Variants in DYDC1 observed in about 807,000 individuals in gnomAD.
DYDC1 encodes the protein DPY30 domain-containing protein 1.
DYDC1 carries 21 observed loss-of-function variants against 27.9 expected under a neutral mutation model. That is an observed-to-expected ratio of 0.75 (90% CI 0.53 to 1.08). DYDC1 has a LOEUF of 1.08. DYDC1 is among the 50% of genes least tolerant of loss of function. The pLI, the probability that DYDC1 is intolerant of heterozygous loss-of-function variation, is 0.00. For synonymous variants in DYDC1, 67 were observed against 65.8 expected (o/e 1.02, Z -0.09); for missense variants, 202 against 205.9 (o/e 0.98, Z 0.12).
At chr10:80,341,984 A>G (rs960119899) in intron 4 of DYDC1, among the ~76,000 whole-genome samples, 2 of 147,474 alleles carry the variant, frequency 1.4e-5, no homozygotes, top group Non-Finnish European at 3.0e-5. Context: ...AGATTGTGCC[A>G]TTGCACTTCA....
Position 80,336,297 on chromosome 10 carries a change from T to C in DYDC1, c.505-112A>G, listed in dbSNP as rs184502079. On this transcript the variant is annotated intron_variant, in intron 6 of 6. Transcript: ENST00000372202. ...TCTATGTGACTACATGAATGAAACTTTTTGGGAGTTTCAGATGATTTCAAA... is the reference window on the plus strand; with the variant it reads ...TCTATGTGACTACATGAATGAAACTCTTTGGGAGTTTCAGATGATTTCAAA... The C allele has an allele frequency of 1.5e-3, 2,094 of 1,391,002 alleles. 1 individual carries two copies. The highest frequency in any genetic ancestry group is 2.6e-3 in the Middle Eastern group (10 of 3,822). 86.2% of individuals were successfully genotyped at this position (1,391,002 alleles called of 1,614,324 possible). A position where few individuals can be genotyped will look rare whatever the true frequency, so the allele number is the denominator to read the frequency against.
chr10:80,342,160 T>C (rs1221333658), intron 4 of DYDC1, 109 bp downstream of exon 4: 4 of 1,017,870 alleles, frequency 3.9e-6, no homozygotes, highest in Middle Eastern at 3.0e-4. Flanking sequence ...GTATGTGGCA[T>C]GTCTTCAGAC....
At chr10:80,336,296 T>C (rs1842133816) in intron 6 of DYDC1, 111 bp from the exon 7 acceptor site, 2 of 1,390,886 alleles carry the variant, frequency 1.4e-6, no homozygotes, top group Non-Finnish European at 1.9e-6. Context: ...TGAATGAAAC[T>C]TTTTGGGAGT....
intron 6 of DYDC1, chr10:80,337,501 T>A: frequency 1.1e-6 from 1 of 932,954 alleles, no homozygotes; most frequent in African/African-American, 1.8e-5. Flanking sequence ...TTCCCCACAC[T>A]GTTACCAGAT....
Position 80,342,397 on chromosome 10 carries a change from T to C in DYDC1, c.250-36A>G, listed in dbSNP as rs1160476362. On this transcript the variant is annotated intron_variant, in intron 3 of 6. Coordinates refer to ENST00000372202, the MANE Select transcript of DYDC1 (RefSeq NM_001269053.2). The stretch of plus-strand genomic sequence containing the variant: ...AGAAATATGTCATATTACAGTTAGA[T>C]TAATTGCAAGATAATTAAGTTTATA... The C allele has an allele frequency of 3.7e-6, 6 of 1,600,318 alleles. No individual in the cohort carries two copies. In the Admixed American group the frequency reaches 6.7e-5, roughly 18 times the overall value.
chr10:80,351,809 G>T, intron 3 of DYDC1, 92 bp downstream of exon 3: 1 of 1,108,978 alleles, frequency 9.0e-7, no homozygotes. Flanking sequence ...CTAAATAACT[G>T]GAGCTGGGAA....
At chr10:80,344,038 T>A (rs1161667893) in intron 3 of DYDC1, among the ~76,000 whole-genome samples, 1 of 151,920 alleles carries the variant, frequency 6.6e-6, no homozygotes, top group Non-Finnish European at 1.5e-5. Flanking sequence ...ATTGCTTGAA[T>A]CTGGGAGGTA....
intron 3 of DYDC1, among the ~76,000 whole-genome samples, chr10:80,351,539 GA>G (rs1306397758): frequency 6.6e-6 from 1 of 150,870 alleles, no homozygotes; most frequent in East Asian, 2.0e-4. Context: ...GGCCTCTCAT[GA>G]ACACTTTTCC....
intron 3 of DYDC1, among the ~76,000 whole-genome samples, chr10:80,345,808 T>C (rs1174529239): frequency 6.6e-6 from 1 of 152,200 alleles, no homozygotes; most frequent in African/African-American, 2.4e-5. Context: ...TATATACATA[T>C]ATGTGATACA....
chr10:80,342,024 CAAAAAAAAAA>C (rs60594545), intron 4 of DYDC1, among the ~76,000 whole-genome samples: 4 of 108,982 alleles, frequency 3.7e-5, no homozygotes, highest in Non-Finnish European at 7.6e-5. Context: ...GACTCCGTCT[CAAAAAAAAAA>C]AAAAAAAAAG....
Position 80,352,575 on chromosome 10 carries a change from G to A in DYDC1, c.27C>T (p.His9=). The A allele has an allele frequency of 6.2e-7, 1 of 1,610,856 alleles. No homozygotes were observed. Among genetic ancestry groups the A allele is most frequent in the South Asian group, 1.1e-5 (1 of 90,064 alleles). Residue 9 remains histidine (H), a synonymous_variant, in exon 2 of 7, where the codon CAC becomes CAT. Transcript: ENST00000372202. MESIYLQK[H]LGACLTQGLA... The stretch of plus-strand genomic sequence containing the variant: ...GACCTTGAGTTAAACAGGCCCCAAG[G>A]TGCTTTTGAAGATATATTGACTCCA...
intron 1 of DYDC1, among the ~76,000 whole-genome samples, chr10:80,354,835 A>C (rs1843257404): frequency 2.6e-5 from 4 of 152,184 alleles, no homozygotes; most frequent in Admixed American, 6.5e-5. Context: ...CAGCCTCCAG[A>C]ATGGTGAGAA....
At chr10:80,348,536 C>T (rs1315463137) in intron 3 of DYDC1, among the ~76,000 whole-genome samples, 3 of 152,208 alleles carry the variant, frequency 2.0e-5, no homozygotes, top group African/African-American at 7.2e-5. Context: ...ATTAGATCTC[C>T]GTTCCCAAAC....
At chr10:80,348,800 CAT>C (rs935027263) in intron 3 of DYDC1, among the ~76,000 whole-genome samples, 1 of 152,200 alleles carries the variant, frequency 6.6e-6, no homozygotes, top group African/African-American at 2.4e-5. Context: ...ATTATACACA[CAT>C]AGACTGATAG....
intron 5 of DYDC1, 47 bp downstream of exon 5, chr10:80,339,050 G>A (rs376216957): frequency 2.4e-5 from 26 of 1,071,092 alleles, no homozygotes; most frequent in Non-Finnish European, 3.3e-5. Flanking sequence ...TACATTCTAG[G>A]ATACTCAATT....
At chr10:80,353,963 C>G (rs990714850) in intron 1 of DYDC1, among the ~76,000 whole-genome samples, 1 of 151,754 alleles carries the variant, frequency 6.6e-6, no homozygotes, top group African/African-American at 2.4e-5. Context: ...AAAATACAAA[C>G]AAATTAGCTG....
At chr10:80,337,576 T>A (rs140009089) in intron 6 of DYDC1, 1 of 392,636 alleles carries the variant, frequency 2.5e-6, no homozygotes, top group East Asian at 1.6e-4. Context: ...AATCTAAGCC[T>A]CTGAACAGAA....
At position 80,342,267 on chromosome 10, in the gene DYDC1, A is replaced by C. The variant is rs544389209; in HGVS notation, c.342+2T>G. 6.2e-7 allele frequency: 1 copy of C among 1,612,804 alleles called. No individual in the cohort carries two copies. Among genetic ancestry groups the C allele is most frequent in the South Asian group, 1.1e-5 (1 of 90,622 alleles). ...ACTGACATTTATAAAACTTCAAATTACCTTGCCTAATTGTTCTTGAGCTCT... is the reference window on the plus strand; with the variant it reads ...ACTGACATTTATAAAACTTCAAATTCCCTTGCCTAATTGTTCTTGAGCTCT... On this transcript the variant is annotated splice_donor_variant, in intron 4 of 6. Coordinates refer to ENST00000372202, the MANE Select transcript of DYDC1 (RefSeq NM_001269053.2). LOFTEE classifies it high-confidence loss of function.
intron 2 of DYDC1, 85 bp from the exon 3 acceptor site, chr10:80,352,087 C>G: frequency 7.9e-7 from 1 of 1,260,604 alleles, no homozygotes; most frequent in African/African-American, 1.5e-5. Flanking sequence ...TTAATAGGAA[C>G]AATTAGGGAA....
Sources: allele counts gnomAD v4.1 joint callset (sites outside exome capture counted in the v4.1 genomes callset), GRCh38; gene constraint gnomAD v4.1.1; transcripts MANE v1.5; gene names NCBI Gene and HGNC (gene_info 2026-07-23, HGNC 2026-07-21).